TSPEAR: variants seen among roughly 807,000 people sequenced by gnomAD.
TSPEAR encodes thrombospondin type laminin G domain and EAR repeats, also known as thrombospondin-type laminin G domain and EAR repeat-containing protein.
TSPEAR carries 69 observed loss-of-function variants against 71.6 expected under a neutral mutation model. The observed-to-expected ratio is 0.96, with a 90% CI of 0.79 to 1.18. TSPEAR has a LOEUF of 1.18. TSPEAR is among the 50% of genes most tolerant of loss of function. TSPEAR has a pLI of 0.00. For synonymous variants in TSPEAR, 402 were observed against 387.2 expected (o/e 1.04, Z -0.45); for missense variants, 971 against 894.9 (o/e 1.09, Z -1.09).
At chr21:44,676,014 T>G in intron 1 of TSPEAR, 1 of 838,724 alleles carries the variant, frequency 1.2e-6, no homozygotes, top group Non-Finnish European at 2.1e-6. Flanking sequence ...TTCAGCTGAT[T>G]GACAAATTTT....
intron 1 of TSPEAR, chr21:44,638,087 G>C (rs782688926): frequency 1.2e-6 from 2 of 1,613,528 alleles, no homozygotes; most frequent in Admixed American, 1.7e-5. Context: ...CTGCCGCACG[G>C]CCTCCTGTGT....
At chr21:44,558,538 C>A (rs1555920406) in intron 2 of TSPEAR, 5 of 1,613,376 alleles carry the variant, frequency 3.1e-6, no homozygotes, top group Non-Finnish European at 4.2e-6. Flanking sequence ...TCACAGGCCG[C>A]CTGGCAGCAG....
At chr21:44,666,538 C>A in intron 1 of TSPEAR, 1 of 1,612,858 alleles carries the variant, frequency 6.2e-7, no homozygotes, top group Non-Finnish European at 8.5e-7. Flanking sequence ...CAGGACGGAG[C>A]CGCATACACG....
intron 2 of TSPEAR, among the ~76,000 whole-genome samples, chr21:44,543,386 G>A (rs587739033): frequency 6.6e-6 from 1 of 152,244 alleles, no homozygotes. Context: ...TAATTTACAT[G>A]AGACTTTAAA....
chr21:44,605,062 C>G (rs1555929621), intron 1 of TSPEAR, among the ~76,000 whole-genome samples: 1 of 152,138 alleles, frequency 6.6e-6, no homozygotes, highest in Non-Finnish European at 1.5e-5. Flanking sequence ...TGTAAAGACT[C>G]TACCTGTTAG....
chr21:44,691,981 C>T, intron 1 of TSPEAR, among the ~76,000 whole-genome samples: 1 of 152,112 alleles, frequency 6.6e-6, no homozygotes, highest in Non-Finnish European at 1.5e-5. Context: ...CAAAGTGATT[C>T]CAACAGCATA....
intron 1 of TSPEAR, chr21:44,681,808 G>T: frequency 6.3e-7 from 1 of 1,589,296 alleles, no homozygotes; most frequent in Non-Finnish European, 8.6e-7. Flanking sequence ...TCTGCACTGG[G>T]AGCAGCGGGT....
Position 44,576,318 on chromosome 21 carries a change from T to A in TSPEAR, c.83-8313A>T, listed in dbSNP as rs868982560. Among the ~76,000 whole-genome samples the A allele has an allele frequency of 7.6e-3, 718 of 94,588 alleles. 1 individual carries two copies. The highest frequency in any genetic ancestry group is 0.016 in the African/African-American group (379 of 23,002). The allele number at this position is 94,588 out of a possible 152,430, so 62.1% of individuals were successfully genotyped here. A position where few individuals can be genotyped will look rare whatever the true frequency, so the allele number is the denominator to read the frequency against. On this transcript the variant is annotated intron_variant, in intron 1 of 11. Transcript: ENST00000323084. ...ATGTCCCAGGGTGGGTGAGGGGGCA[T>A]AACTCATGGGTGAACAGACACACGG...
intron 2 of TSPEAR, among the ~76,000 whole-genome samples, chr21:44,566,085 C>G (rs1361632603): frequency 6.6e-6 from 1 of 152,080 alleles, no homozygotes; most frequent in South Asian, 2.1e-4. Flanking sequence ...GAGGCTGAGG[C>G]GGGAGAATCG....
chr21:44,612,143 T>C lies in TSPEAR; in HGVS notation c.83-44138A>G. 1 of 1,614,098 alleles carries C rather than the reference T, an allele frequency of 6.2e-7. No individual in the cohort carries two copies. The highest frequency in any genetic ancestry group is 8.5e-7 in the Non-Finnish European group (1 of 1,179,994). On this transcript the variant is annotated intron_variant, in intron 1 of 11. Transcript: ENST00000323084. This position sits in a 1 kb window ranked among gnomAD's most constrained non-coding sequence, Gnocchi z 4.1. ...CACCAGGACGTATGTGATTGCTGCA[T>C]CCACCATGTCTGTCTGCTCCAGTGA...
intron 9 of TSPEAR, chr21:44,518,319 A>T (rs1394413264): frequency 2.1e-6 from 1 of 468,708 alleles, no homozygotes; most frequent in Non-Finnish European, 4.4e-6. Flanking sequence ...CATGGGTGAC[A>T]CGCAGCTGGC....
intron 1 of TSPEAR, among the ~76,000 whole-genome samples, chr21:44,709,601 G>A (rs952221480): frequency 1.3e-5 from 2 of 152,252 alleles, no homozygotes; most frequent in Non-Finnish European, 2.9e-5. Context: ...TGTGACCTGC[G>A]GGTCAACCAC....
intron 9 of TSPEAR, among the ~76,000 whole-genome samples, chr21:44,512,549 C>T (rs1479012376): frequency 2.0e-5 from 3 of 152,174 alleles, no homozygotes; most frequent in African/African-American, 4.8e-5. Flanking sequence ...GTGGCAGGAG[C>T]GTAGGGTGGA....
At chr21:44,643,085 A>G (rs924189802) in intron 1 of TSPEAR, among the ~76,000 whole-genome samples, 2 of 152,232 alleles carry the variant, frequency 1.3e-5, no homozygotes, top group Non-Finnish European at 2.9e-5. Context: ...AGCCATAGAA[A>G]GGAAGGAGAT....
At chr21:44,500,041 A>T (rs2051999418) in intron 11 of TSPEAR, 105 bp from the exon 12 acceptor site, 5 of 1,203,576 alleles carry the variant, frequency 4.2e-6, no homozygotes, top group Non-Finnish European at 5.6e-6. Context: ...TCTGGGTCAC[A>T]TCTGAGCCTC....
chr21:44,613,458 G>A (rs1243412274), intron 1 of TSPEAR, among the ~76,000 whole-genome samples: 2 of 152,142 alleles, frequency 1.3e-5, no homozygotes, highest in African/African-American at 2.4e-5. Context: ...GGGCTCTCCA[G>A]GCCCCAGGAC....
intron 1 of TSPEAR, among the ~76,000 whole-genome samples, chr21:44,622,842 G>T (rs978054090): frequency 9.2e-5 from 14 of 152,208 alleles, no homozygotes; most frequent in African/African-American, 3.4e-4. Context: ...GATCTCCACT[G>T]TTGGAGGTGG....
At chr21:44,524,937 AG>A (rs2052819624) in intron 8 of TSPEAR, among the ~76,000 whole-genome samples, 1 of 140,852 alleles carries the variant, frequency 7.1e-6, no homozygotes, top group African/African-American at 3.2e-5. Context: ...TCATTCAGGT[AG>A]TCAGTCAGTC....
intron 1 of TSPEAR, among the ~76,000 whole-genome samples, chr21:44,581,717 C>G (rs967945160): frequency 2.6e-5 from 4 of 152,132 alleles, no homozygotes; most frequent in Admixed American, 1.3e-4. Flanking sequence ...CCTTTTGTGA[C>G]TTTAATTTTG....
Sources: allele counts gnomAD v4.1 joint callset (sites outside exome capture counted in the v4.1 genomes callset), GRCh38; gene constraint gnomAD v4.1.1; non-coding constraint Gnocchi (gnomAD v3.1); transcripts MANE v1.5; gene names NCBI Gene and HGNC (gene_info 2026-07-23, HGNC 2026-07-21).